Variants in WDR19 observed in about 807,000 individuals in gnomAD.
The protein encoded by WDR19 is WD repeat-containing protein 19.
Under a neutral mutation model 180.0 loss-of-function variants are expected in WDR19, and 121 were observed. The ratio of observed to expected loss-of-function variants is 0.67; its 90% CI spans 0.58 to 0.78. WDR19 has a LOEUF of 0.78. Ranked by LOEUF, WDR19 falls within the 30% of genes least tolerant of loss-of-function variation. WDR19 has a pLI of 0.00. For synonymous variants in WDR19, 497 were observed against 540.7 expected (o/e 0.92, Z 1.12); for missense variants, 1,450 against 1,640.7 (o/e 0.88, Z 2.01).
chr4:39,185,256 A>C lies in WDR19; in HGVS notation c.7-470A>C, dbSNP rs1327183196. Among the ~76,000 whole-genome samples the C allele has an allele frequency of 2.0e-5, 3 of 152,216 alleles. No individual in the cohort carries two copies. The East Asian group carries it at 5.8e-4, about 29-fold the overall frequency. On this transcript the variant is annotated intron_variant, in intron 1 of 36. Coordinates refer to ENST00000399820, the MANE Select transcript of WDR19 (RefSeq NM_025132.4). ...AACACTTAATGATGATGTAAATATA[A>C]CTAATGGAACTAATAGAAGAAAATA...
At chr4:39,276,985 A>C in intron 33 of WDR19, 35 bp from the exon 34 acceptor site, 1 of 1,610,966 alleles carries the variant, frequency 6.2e-7, no homozygotes. Flanking sequence ...CATGAATAAA[A>C]CGGCATTTTT....
At chr4:39,214,241 G>C (rs1029746593) in intron 9 of WDR19, among the ~76,000 whole-genome samples, 1 of 152,116 alleles carries the variant, frequency 6.6e-6, no homozygotes, top group Non-Finnish European at 1.5e-5. Flanking sequence ...AGAGAAACCT[G>C]TATCATCTTA....
intron 14 of WDR19, among the ~76,000 whole-genome samples, chr4:39,219,285 A>AG (rs1308482183): frequency 2.0e-5 from 3 of 152,140 alleles, no homozygotes; most frequent in Non-Finnish European, 4.4e-5. Context: ...ATCAATACAA[A>AG]CTTCAGGGTA....
chr4:39,275,589 C>T (rs1735818143), intron 33 of WDR19, among the ~76,000 whole-genome samples: 1 of 152,108 alleles, frequency 6.6e-6, no homozygotes, highest in Admixed American at 6.5e-5. Context: ...GACATCATGT[C>T]CTCGTTCCAG....
intron 5 of WDR19, among the ~76,000 whole-genome samples, chr4:39,197,020 C>T (rs965499868): frequency 6.6e-6 from 1 of 152,182 alleles, no homozygotes; most frequent in African/African-American, 2.4e-5. Flanking sequence ...ATAGCTGACA[C>T]TGTGATAGCA....
intron 5 of WDR19, among the ~76,000 whole-genome samples, chr4:39,196,739 A>G (rs1339665078): frequency 6.6e-6 from 1 of 152,192 alleles, no homozygotes; most frequent in Non-Finnish European, 1.5e-5. Flanking sequence ...CCAGGATAAA[A>G]GCAAAAGGCC....
At chr4:39,231,596 G>T (rs1031022553) in intron 17 of WDR19, among the ~76,000 whole-genome samples, 1 of 152,142 alleles carries the variant, frequency 6.6e-6, no homozygotes, top group Admixed American at 6.5e-5. Flanking sequence ...ATTAATAAAA[G>T]AAATTTAGGG....
intron 20 of WDR19, among the ~76,000 whole-genome samples, chr4:39,237,445 A>G (rs1190485361): frequency 6.6e-6 from 1 of 151,984 alleles, no homozygotes; most frequent in African/African-American, 2.4e-5. Context: ...ACATGACTGT[A>G]GTCCCAGCTG....
chr4:39,194,596 G>A lies in WDR19; in HGVS notation c.343G>A (p.Gly115Arg), dbSNP rs376471437. ...AAAAGTTGGAAGTTTCCTGGCTGTT[G>A]GAACTGTTAAAGGAAATTTGCTTAT... ...WSKVGSFLAV[G>R]TVKGNLLIYN... The change falls in exon 5 of 37, where the codon GGA becomes AGA. Residue 115 changes from glycine to arginine, a missense_variant. Transcript: ENST00000399820. The A allele has an allele frequency of 5.0e-6, 8 of 1,613,128 alleles. No individual in the cohort carries two copies. Among genetic ancestry groups the A allele is most frequent in the African/African-American group, 1.3e-5 (1 of 74,888 alleles).
intron 19 of WDR19, 35 bp from the exon 20 acceptor site, chr4:39,234,731 C>A: frequency 7.0e-7 from 1 of 1,426,914 alleles, no homozygotes; most frequent in Non-Finnish European, 9.7e-7. Context: ...AATAATTTTG[C>A]TCATTTGAAA....
At position 39,203,687 on chromosome 4, in the gene WDR19, A is replaced by G. The variant is rs1193209642; in HGVS notation, c.568A>G (p.Lys190Glu). ...EPSNMQFFLM[K>E]MDDRTSAAES... ...TAGCAACATGCAGTTTTTCTTGATGAAGATGGATGACCGAACCTCTGCTGC... is the reference window on the plus strand; with the variant it reads ...TAGCAACATGCAGTTTTTCTTGATGGAGATGGATGACCGAACCTCTGCTGC... Residue 190 changes from lysine to glutamate, a missense_variant, in exon 7 of 37, where the codon AAG (lysine) becomes GAG (glutamate). By Grantham distance (56) the Lys-to-Glu change is moderately conservative. Transcript: ENST00000399820. 6.2e-7 allele frequency: 1 copy of G among 1,612,810 alleles called. No homozygotes were observed. Among genetic ancestry groups the G allele is most frequent in the African/African-American group, 1.3e-5 (1 of 74,944 alleles).
Position 39,215,882 on chromosome 4 carries a change from G to T in WDR19, c.1003G>T (p.Ala335Ser), listed in dbSNP as rs1005141668. Residue 335 changes from alanine (A) to serine (S), a missense_variant, in exon 11 of 37, where the codon GCA becomes TCA. Physicochemically the swap from Ala to Ser is moderately conservative, Grantham distance 99. Coordinates refer to ENST00000399820, the MANE Select transcript of WDR19 (RefSeq NM_025132.4). ...LSWTDDGQLL[A>S]LSTQRGSLHV... The stretch of plus-strand genomic sequence containing the variant: ...CTGGACTGATGATGGCCAGTTGCTA[G>T]CACTCTCTACCCAAAGGGGCTCACT... 1 of 1,613,792 alleles carries T rather than the reference G, an allele frequency of 6.2e-7. No individual in the cohort carries two copies. Among genetic ancestry groups the T allele is most frequent in the South Asian group, 1.1e-5 (1 of 91,044 alleles).
At chr4:39,203,498 T>A in intron 6 of WDR19, 144 bp from the exon 7 acceptor site, 1 of 648,400 alleles carries the variant, frequency 1.5e-6, no homozygotes, top group Non-Finnish European at 2.6e-6. Context: ...TCATCTAGAA[T>A]TTCTAGATAT....
intron 4 of WDR19, among the ~76,000 whole-genome samples, chr4:39,191,079 A>G (rs1478400708): frequency 6.6e-6 from 1 of 152,224 alleles, no homozygotes; most frequent in Non-Finnish European, 1.5e-5. Context: ...TGTCATGGCC[A>G]GGCATAAAAT....
intron 36 of WDR19, among the ~76,000 whole-genome samples, chr4:39,284,331 ATTTTTTTTTTTTT>A (rs143848496): frequency 1.1e-5 from 1 of 91,530 alleles, no homozygotes; most frequent in Non-Finnish European, 2.0e-5. Flanking sequence ...AGTAAAAAAA[ATTTTTTTTTTTTT>A]TTTTTTTTTT....
At chr4:39,266,745 A>G (rs963501627) in intron 29 of WDR19, among the ~76,000 whole-genome samples, 4 of 152,256 alleles carry the variant, frequency 2.6e-5, no homozygotes. Flanking sequence ...ATGGAAGTTA[A>G]CAAAAATCAG....
chr4:39,218,707 A>G (rs1157696577), intron 14 of WDR19: 3 of 152,206 alleles, frequency 2.0e-5, no homozygotes, highest in Admixed American at 1.3e-4. Flanking sequence ...AAATAAATTA[A>G]CCTTAGCTCA....
At chr4:39,239,724 C>T (rs1443834725) in intron 20 of WDR19, among the ~76,000 whole-genome samples, 1 of 152,058 alleles carries the variant, frequency 6.6e-6, no homozygotes, top group Non-Finnish European at 1.5e-5. Flanking sequence ...ACAGTAAGTA[C>T]CTTATAGTAT....
chr4:39,252,902 T>C (rs1020579145), intron 24 of WDR19, among the ~76,000 whole-genome samples: 1 of 152,200 alleles, frequency 6.6e-6, no homozygotes, highest in Non-Finnish European at 1.5e-5. Flanking sequence ...TTTAAAAATA[T>C]ATAGCTTTGA....
Sources: gnomAD v4.1 joint callset for allele counts (sites outside exome capture counted in the v4.1 genomes callset) on GRCh38, gnomAD v4.1.1 for gene constraint, MANE v1.5 for transcripts, NCBI Gene and HGNC (gene_info 2026-07-23, HGNC 2026-07-21) for gene names.